Variants in LRRC38 observed in about 807,000 individuals in gnomAD.
LRRC38 encodes the protein leucine-rich repeat-containing protein 38.
A neutral mutation model predicts 16.4 loss-of-function variants in LRRC38; 5 were observed. The ratio of observed to expected loss-of-function variants is 0.31; its 90% CI spans 0.16 to 0.64. LRRC38 has a LOEUF of 0.64. Among genes scored for constraint, LRRC38 ranks in the 30% least tolerant of loss-of-function variants. The pLI, the probability that LRRC38 is intolerant of heterozygous loss-of-function variation, is 0.80. For missense variants in LRRC38, 341 were observed against 401.8 expected, an observed-to-expected ratio of 0.85 and a Z score of 1.29; for synonymous variants, 191 against 190.2, an observed-to-expected ratio of 1.00 and a Z score of -0.04.
intron 1 of LRRC38, among the ~76,000 whole-genome samples, chr1:13,481,381 T>C (rs1246178921): frequency 7.8e-6 from 1 of 127,822 alleles, no homozygotes; most frequent in South Asian, 2.9e-4. Flanking sequence ...CTTATGTTTT[T>C]TTTATTTTTT....
intron 1 of LRRC38, among the ~76,000 whole-genome samples, chr1:13,483,386 T>C (rs1638892684): frequency 6.6e-6 from 1 of 152,080 alleles, no homozygotes; most frequent in South Asian, 2.1e-4. Context: ...AGACCTCAGG[T>C]GATCCACCTG....
In LRRC38 at chr1:13,513,753, G is replaced by A; in HGVS notation, c.-160C>T. 5.2e-6 allele frequency: 1 copy of A among 190,974 alleles called. No homozygotes were observed. Among genetic ancestry groups the A allele is most frequent in the Non-Finnish European group, 9.7e-6 (1 of 103,586 alleles). 11.8% of individuals were successfully genotyped at this position (190,974 alleles called of 1,614,324 possible). A position where few individuals can be genotyped will look rare whatever the true frequency, so the allele number is the denominator to read the frequency against. ...CCCGGGCGTGCGGGGGCGATGGAGC[G>A]CGGCGCGGACGGACTGGGGAGCCGG... On this transcript the variant is annotated 5_prime_UTR_variant, in exon 1 of 2. Transcript: ENST00000376085.
chr1:13,487,688 G>A lies in LRRC38; in HGVS notation c.632-11589C>T, dbSNP rs939484170. ...CCCAGCAGCTGACACCTGAGCTGGA[G>A]AGGGTGAAGAGCTGCCATTCTCCAG... On this transcript the variant is annotated intron_variant, in intron 1 of 1. Coordinates refer to ENST00000376085, the MANE Select transcript of LRRC38 (RefSeq NM_001010847.2). The surrounding 1 kb of genome is among the most constrained non-coding windows in gnomAD (Gnocchi z 4.4). Among the ~76,000 whole-genome samples, 1 of 152,208 alleles carries A rather than the reference G, an allele frequency of 6.6e-6. No homozygotes were observed. The highest frequency in any genetic ancestry group is 2.4e-5 in the African/African-American group (1 of 41,470).
intron 1 of LRRC38, among the ~76,000 whole-genome samples, chr1:13,503,733 C>T (rs1639177070): frequency 6.6e-6 from 1 of 152,208 alleles, no homozygotes. Context: ...GAGAAAAGCA[C>T]GTGACTCGGA....
chr1:13,509,491 TA>T (rs1639251472), intron 1 of LRRC38, among the ~76,000 whole-genome samples: 1 of 151,858 alleles, frequency 6.6e-6, no homozygotes, highest in Non-Finnish European at 1.5e-5. Flanking sequence ...ATATTCTCCC[TA>T]TGGCCCAGGA....
intron 1 of LRRC38, among the ~76,000 whole-genome samples, chr1:13,481,788 CCTCTCTCTCTCTCTCTCTCTCTCTCT>C (rs1198744392): frequency 5.8e-5 from 2 of 34,466 alleles, no homozygotes; most frequent in African/African-American, 2.9e-4. Context: ...TCCCTCTCTC[CCTCTCTCTCTCTCTCTCTCTCTCTCT>C]CTCTCTCTCT....
At chr1:13,485,030 C>T (rs1433516099) in intron 1 of LRRC38, among the ~76,000 whole-genome samples, 2 of 152,096 alleles carry the variant, frequency 1.3e-5, no homozygotes, top group African/African-American at 4.8e-5. Context: ...GTAATCCCAG[C>T]ACTTTGGGAG....
chr1:13,501,976 G>A (rs1010176261), intron 1 of LRRC38, among the ~76,000 whole-genome samples: 1 of 151,750 alleles, frequency 6.6e-6, no homozygotes, highest in Non-Finnish European at 1.5e-5. Flanking sequence ...CACCCAGGCT[G>A]GAATGCAGTG....
chr1:13,490,143 T>C (rs189892468), intron 1 of LRRC38, among the ~76,000 whole-genome samples: 8 of 152,192 alleles, frequency 5.3e-5, no homozygotes, highest in African/African-American at 1.4e-4. Flanking sequence ...AGAATGATCA[T>C]AGTGTTTTTT....
At chr1:13,498,760 G>A (rs1639111983) in intron 1 of LRRC38, among the ~76,000 whole-genome samples, 1 of 152,156 alleles carries the variant, frequency 6.6e-6, no homozygotes, top group African/African-American at 2.4e-5. Context: ...GTGTTTCCTG[G>A]GGTGGCTGCA....
chr1:13,481,853 G>A (rs1009219765), intron 1 of LRRC38, among the ~76,000 whole-genome samples: 9 of 150,400 alleles, frequency 6.0e-5, no homozygotes, highest in South Asian at 4.2e-4. Context: ...GAAAGAAGGC[G>A]ACCATCTGCA....
chr1:13,502,435 G>C (rs961503550), intron 1 of LRRC38, among the ~76,000 whole-genome samples: 4 of 151,944 alleles, frequency 2.6e-5, no homozygotes, highest in African/African-American at 9.7e-5. Context: ...CACTGGCTGG[G>C]AGGGTTCCTC....
chr1:13,487,147 A>G lies in LRRC38; in HGVS notation c.632-11048T>C, dbSNP rs1638945229. On this transcript the variant is annotated intron_variant, in intron 1 of 1. Transcript: ENST00000376085. This position sits in a 1 kb window ranked among gnomAD's most constrained non-coding sequence, Gnocchi z 4.4. ...TCTCTTCAATTCTGTGAACTATCTG[A>G]CATCCCTGCAACAAATTCCTTCCCT... is the stretch of plus-strand genomic sequence containing the variant. Among the ~76,000 whole-genome samples, 1 of 152,152 alleles carries G rather than the reference A, an allele frequency of 6.6e-6. No homozygotes were observed. Among genetic ancestry groups the G allele is most frequent in the African/African-American group, 2.4e-5 (1 of 41,426 alleles).
At chr1:13,501,235 A>G (rs7543570) in intron 1 of LRRC38, among the ~76,000 whole-genome samples, 19,186 of 151,832 alleles carry the variant, frequency 0.13, 1,736 homozygotes, top group East Asian at 0.44. Flanking sequence ...GCATATAAAT[A>G]CACTATATAT....
intron 1 of LRRC38, among the ~76,000 whole-genome samples, chr1:13,505,572 C>T (rs1639203125): frequency 6.6e-6 from 1 of 152,168 alleles, no homozygotes. Flanking sequence ...ACGCAGGGTG[C>T]GGCTGACAGC....
intron 1 of LRRC38, among the ~76,000 whole-genome samples, chr1:13,491,163 G>A (rs1639007445): frequency 6.6e-6 from 1 of 152,142 alleles, no homozygotes; most frequent in South Asian, 2.1e-4. Context: ...ACACTGGGTG[G>A]AGCGCCAGTA....
Position 13,475,763 on chromosome 1 carries a change from T to A in LRRC38, c.*83A>T. The A allele has an allele frequency of 6.7e-7, 1 of 1,496,176 alleles. No individual in the cohort carries two copies. The highest frequency in any genetic ancestry group is 2.1e-5 in the Admixed American group (1 of 48,526). 92.7% of individuals were successfully genotyped at this position (1,496,176 alleles called of 1,614,324 possible). ...GTTCACAGATGGTGGCCAGTGCTTT[T>A]CCATTTTCAGCATTTCCCTCTCGTC... On this transcript the variant is annotated 3_prime_UTR_variant, in exon 2 of 2. Transcript: ENST00000376085. The surrounding 1 kb of genome is among the most constrained non-coding windows in gnomAD (Gnocchi z 4.3).
chr1:13,477,141 GT>G (rs1430444436), intron 1 of LRRC38, among the ~76,000 whole-genome samples: 1 of 152,150 alleles, frequency 6.6e-6, no homozygotes, highest in East Asian at 1.9e-4. Flanking sequence ...ATTTCGCCAT[GT>G]TGCCCAGACT....
intron 1 of LRRC38, among the ~76,000 whole-genome samples, chr1:13,480,847 G>A (rs186393675): frequency 2.0e-4 from 31 of 152,232 alleles, no homozygotes; most frequent in Admixed American, 3.3e-4. Flanking sequence ...TTAGCAGCAC[G>A]AGAACAGACT....
Sources: gnomAD v4.1 joint callset for allele counts (sites outside exome capture counted in the v4.1 genomes callset) on GRCh38, gnomAD v4.1.1 for gene constraint, Gnocchi (gnomAD v3.1) non-coding constraint, MANE v1.5 for transcripts, NCBI Gene and HGNC (gene_info 2026-07-23, HGNC 2026-07-21) for gene names.